Variants in ZP3 observed in about 807,000 individuals in gnomAD.
The protein encoded by ZP3 is zona pellucida glycoprotein 3.
ZP3 carries 21 observed loss-of-function variants against 35.6 expected under a neutral mutation model. That is an observed-to-expected ratio of 0.59 (90% confidence interval 0.42 to 0.85). The LOEUF (loss-of-function observed/expected upper bound fraction) is 0.85, where lower values mean the gene tolerates loss of function less well. Among genes scored for constraint, ZP3 ranks in the 40% least tolerant of loss-of-function variants. ZP3 has a pLI of 0.00. For missense variants in ZP3, 437 were observed against 536.5 expected, an observed-to-expected ratio of 0.81 and a Z score of 1.83; for synonymous variants, 207 against 214.5, an observed-to-expected ratio of 0.96 and a Z score of 0.31.
chr7:76,435,035 G>A (rs1277342229), intron 5 of ZP3, among the ~76,000 whole-genome samples: 1 of 152,232 alleles, frequency 6.6e-6, no homozygotes, highest in Non-Finnish European at 1.5e-5. Flanking sequence ...CATCTAGCCG[G>A]GAAGTACTGG....
intron 2 of ZP3, among the ~76,000 whole-genome samples, chr7:76,430,241 G>A (rs568395256): frequency 6.6e-5 from 10 of 152,246 alleles, no homozygotes; most frequent in East Asian, 1.9e-4. Flanking sequence ...GCTAGGCTGC[G>A]TTCTAGAATC....
At chr7:76,440,225 T>C in intron 5 of ZP3, 25 bp from the exon 6 acceptor site, 1 of 1,599,988 alleles carries the variant, frequency 6.3e-7, no homozygotes, top group Non-Finnish European at 8.5e-7. Flanking sequence ...GAACTCGGCC[T>C]GGAAATAGCT....
intron 7 of ZP3, among the ~76,000 whole-genome samples, 168 bp downstream of exon 7, chr7:76,440,779 G>A (rs1223367065): frequency 6.6e-6 from 1 of 151,394 alleles, no homozygotes. Context: ...AGCAGGAGGG[G>A]CTCTCAGCCT....
intron 5 of ZP3, among the ~76,000 whole-genome samples, chr7:76,437,171 C>CTTTTTTTT (rs869115807): frequency 1.1e-4 from 9 of 78,702 alleles, no homozygotes; most frequent in South Asian, 4.3e-4. Flanking sequence ...ACCCTGTGTA[C>CTTTTTTTT]TTTTTTTTTT....
chr7:76,441,556 CTTT>C (rs985548246), intron 7 of ZP3, among the ~76,000 whole-genome samples: 47 of 151,818 alleles, frequency 3.1e-4, no homozygotes, highest in African/African-American at 9.7e-4. Context: ...GCCCAGTTAA[CTTT>C]TTTATTTTCA....
At chr7:76,409,976 T>C (rs1333548648) in intron 1 of ZP3, among the ~76,000 whole-genome samples, 1 of 152,152 alleles carries the variant, frequency 6.6e-6, no homozygotes, top group African/African-American at 2.4e-5. Flanking sequence ...GTTTCCCACA[T>C]AGACAGGACC....
chr7:76,423,555 A>G (rs1042401435), upstream of ZP3, among the ~76,000 whole-genome samples: 1 of 152,112 alleles, frequency 6.6e-6, no homozygotes, highest in Admixed American at 6.6e-5. Context: ...CTTAAGTAAT[A>G]GGCATGTTTC....
upstream of ZP3, among the ~76,000 whole-genome samples, chr7:76,423,029 A>AGAGAAAGAAAGAG (rs767704641): frequency 5.9e-4 from 33 of 55,532 alleles, 1 homozygote; most frequent in Non-Finnish European, 1.0e-3. Context: ...GAGAGAGAGA[A>AGAGAAAGAAAGAG]AGAAAGAAAG....
At chr7:76,434,555 T>C (rs1486474495) in intron 5 of ZP3, among the ~76,000 whole-genome samples, 1 of 133,076 alleles carries the variant, frequency 7.5e-6, no homozygotes, top group Non-Finnish European at 1.6e-5. Context: ...GGAGAATAGC[T>C]TGAACCTGGG....
chr7:76,418,514 GT>G, intron 1 of ZP3, among the ~76,000 whole-genome samples: 1 of 128,130 alleles, frequency 7.8e-6, no homozygotes, highest in South Asian at 2.6e-4. Flanking sequence ...TAGCACCACT[GT>G]ACTCCAGCCT....
intron 2 of ZP3, among the ~76,000 whole-genome samples, chr7:76,432,043 A>G (rs867922251): frequency 2.0e-5 from 3 of 152,134 alleles, no homozygotes; most frequent in Middle Eastern, 3.4e-3. Flanking sequence ...TTTAAAAAAA[A>G]AAAGTCTTAC....
chr7:76,398,736 T>C, intron 1 of ZP3: 1 of 1,613,400 alleles, frequency 6.2e-7, no homozygotes, highest in Non-Finnish European at 8.5e-7. Context: ...CATTCGGCAG[T>C]GTCGTAGGAG....
intron 1 of ZP3, among the ~76,000 whole-genome samples, chr7:76,410,489 A>G (rs1805213580): frequency 6.7e-6 from 1 of 149,270 alleles, no homozygotes; most frequent in Non-Finnish European, 1.5e-5. Context: ...AAGTGTTGGG[A>G]TTACAGGCAT....
intron 1 of ZP3, among the ~76,000 whole-genome samples, chr7:76,412,145 G>A (rs977607139): frequency 1.3e-5 from 2 of 148,260 alleles, no homozygotes; most frequent in East Asian, 2.0e-4. Context: ...CTGTGCTTGC[G>A]TCACTGCACT....
Position 76,440,576 on chromosome 7 carries a change from A to G in ZP3, c.1025A>G (p.Gln342Arg), listed in dbSNP as rs1806167192. Residue 342 changes from glutamine (Q) to arginine (R), a missense_variant, in exon 7 of 8, where the codon CAG becomes CGG. By Grantham distance (43) the Gln-to-Arg change is conservative. Around this residue, in one of 6 missense-constraint regions of ZP3, gnomAD observed 41 missense variants for 50.2 expected, o/e 0.82. Transcript: ENST00000394857. The part of the protein sequence containing the change: ...HSRRQPHVMS[Q>R]WSRSASRNRR... ...AGGAGGCAGCCTCATGTCATGAGCC[A>G]GTGGTCCAGGTCTGCTTCCCGTAAC... The G allele has an allele frequency of 1.2e-6, 2 of 1,614,190 alleles. No homozygotes were observed. Among genetic ancestry groups the G allele is most frequent in the Non-Finnish European group, 1.7e-6 (2 of 1,180,020 alleles).
intron 1 of ZP3, among the ~76,000 whole-genome samples, chr7:76,402,655 A>T (rs1260407403): frequency 6.6e-6 from 1 of 151,506 alleles, no homozygotes; most frequent in East Asian, 1.9e-4. Flanking sequence ...GTATGTCCTC[A>T]TTGCTTTCTT....
intron 1 of ZP3, among the ~76,000 whole-genome samples, chr7:76,418,507 C>A (rs1047144513): frequency 7.1e-6 from 1 of 140,488 alleles, no homozygotes; most frequent in African/African-American, 2.7e-5. Flanking sequence ...GCCAGGATAG[C>A]ACCACTGTAC....
chr7:76,421,775 T>C (rs1443847941), upstream of ZP3, among the ~76,000 whole-genome samples: 1 of 151,634 alleles, frequency 6.6e-6, no homozygotes, highest in Non-Finnish European at 1.5e-5. Context: ...CATTAGTTTT[T>C]GTATTCTTCC....
chr7:76,431,746 A>C (rs1041604638), intron 2 of ZP3, among the ~76,000 whole-genome samples: 12 of 152,204 alleles, frequency 7.9e-5, no homozygotes, highest in African/African-American at 2.9e-4. Flanking sequence ...AAAAATACAA[A>C]AAATTAGCCA....
Sources: gnomAD v4.1 joint callset for allele counts (sites outside exome capture counted in the v4.1 genomes callset) on GRCh38, gnomAD v4.1.1 for gene constraint, gnomAD v4.1.1 regional missense constraint, MANE v1.5 for transcripts, NCBI Gene and HGNC (gene_info 2026-07-23, HGNC 2026-07-21) for gene names.